ANKRD26: variants seen among roughly 807,000 people sequenced by gnomAD.
ANKRD26 encodes ankyrin repeat domain 26.
ANKRD26 carries 141 observed loss-of-function variants against 208.7 expected under a neutral mutation model. That is an observed-to-expected ratio of 0.68 (90% CI 0.59 to 0.78). The LOEUF (loss-of-function observed/expected upper bound fraction) is 0.78. Among genes scored for constraint, ANKRD26 ranks in the 30% least tolerant of loss-of-function variants. The pLI is 0.00. For synonymous variants in ANKRD26, 636 were observed against 660.4 expected (o/e 0.96, Z 0.57); for missense variants, 1,889 against 1,938.7 (o/e 0.97, Z 0.48).
At chr10:27,071,827 C>T (rs1217954902) in intron 9 of ANKRD26, among the ~76,000 whole-genome samples, 1 of 152,138 alleles carries the variant, frequency 6.6e-6, no homozygotes, top group African/African-American at 2.4e-5. Flanking sequence ...ACTCCCCCCG[C>T]GCTGGAGCTG....
chr10:26,972,234 CAAAAAAAA>C (rs749010461), downstream of ANKRD26, among the ~76,000 whole-genome samples: 37 of 61,032 alleles, frequency 6.1e-4, no homozygotes, highest in Non-Finnish European at 9.1e-4. Flanking sequence ...GACTCCGTCT[CAAAAAAAA>C]AAAAAAAAAG....
At position 26,981,381 on chromosome 10, in the gene ANKRD26, C is replaced by G. The variant is rs1410317012; in HGVS notation, c.*18-542G>C. Among the ~76,000 whole-genome samples the G allele has an allele frequency of 2.6e-5, 4 of 152,264 alleles. No homozygotes were observed. In the South Asian group the frequency reaches 8.3e-4, roughly 32 times the overall value. On this transcript the variant is annotated intron_variant and NMD_transcript_variant, in intron 4 of 5. Coordinates refer to the ANKRD26 transcript ENST00000674670. ...GTGCTGAAGAGGGCTGTGTGCAATA[C>G]TGATAACAGCAAGGTTGCAGTGAGC... is the stretch of plus-strand genomic sequence containing the variant.
chr10:27,086,434 A>G, intron 5 of ANKRD26, 105 bp downstream of exon 5: 1 of 1,454,194 alleles, frequency 6.9e-7, no homozygotes, highest in Non-Finnish European at 9.4e-7. Flanking sequence ...CATGCACCTT[A>G]TACACTGATT....
downstream of ANKRD26, among the ~76,000 whole-genome samples, chr10:26,999,192 T>C (rs1326675904): frequency 6.6e-6 from 1 of 152,202 alleles, no homozygotes; most frequent in African/African-American, 2.4e-5. Context: ...AATATGGGCA[T>C]CTCAGAAGAT....
intron 18 of ANKRD26, among the ~76,000 whole-genome samples, chr10:27,044,518 A>G: frequency 6.6e-6 from 1 of 151,622 alleles, no homozygotes; most frequent in East Asian, 1.9e-4. Flanking sequence ...GAAATATACC[A>G]GGTTTTTTTT....
At chr10:26,998,929 GAGGTCGGGATAAAGT>G in intron 4 of ANKRD26, among the ~76,000 whole-genome samples, 1 of 152,308 alleles carries the variant, frequency 6.6e-6, no homozygotes, top group South Asian at 2.1e-4. Flanking sequence ...GAAGTTCAAA[GAGGTCGGGATAAAGT>G]AGCGGTATAC....
At chr10:27,077,015 T>G (rs1038612096) in intron 9 of ANKRD26, 3 of 325,102 alleles carry the variant, frequency 9.2e-6, no homozygotes, top group South Asian at 6.7e-5. Flanking sequence ...AGTATCACCC[T>G]AATACCAAAG....
chr10:27,082,623 A>G (rs1244984508), intron 6 of ANKRD26, among the ~76,000 whole-genome samples, 180 bp downstream of exon 6: 1 of 152,218 alleles, frequency 6.6e-6, no homozygotes, highest in Admixed American at 6.5e-5. Flanking sequence ...TCATGGGCCA[A>G]TTAATCAACC....
At chr10:27,048,239 G>T (rs1589279810) in intron 17 of ANKRD26, among the ~76,000 whole-genome samples, 1 of 152,084 alleles carries the variant, frequency 6.6e-6, no homozygotes, top group African/African-American at 2.4e-5. Context: ...TAATTTGAGA[G>T]CCCAACATTT....
chr10:26,972,234 C>CAAA (rs749010461), downstream of ANKRD26, among the ~76,000 whole-genome samples: 1 of 61,046 alleles, frequency 1.6e-5, no homozygotes, highest in Admixed American at 1.9e-4. Context: ...GACTCCGTCT[C>CAAA]AAAAAAAAAA....
chr10:27,095,840 G>A (rs2056450752), intron 1 of ANKRD26, among the ~76,000 whole-genome samples: 1 of 152,036 alleles, frequency 6.6e-6, no homozygotes, highest in Non-Finnish European at 1.5e-5. Flanking sequence ...CAATTGCCTT[G>A]ACCTGAATGA....
rs1286138116 is a variant in ANKRD26 at position 27,017,550 on chromosome 10, T to C, written c.4458A>G (p.Ala1486=). Reference sequence around the variant, plus strand: ...TTAATTTTTCTGCTATTTCCTGTCTTGCTCTTTCTTCAATCTCCTGTTTAT... The same window carrying C: ...TTAATTTTTCTGCTATTTCCTGTCTCGCTCTTTCTTCAATCTCCTGTTTAT... ...KQYKQEIEER[A]RQEIAEKLKE... is the part of the protein sequence containing the mutation. The change falls in exon 30 of 34, where the codon GCA becomes GCG. Residue 1486 remains alanine, a synonymous_variant. Transcript: ENST00000376087. The C allele has an allele frequency of 6.2e-7, 1 of 1,613,748 alleles. No individual in the cohort carries two copies. The highest frequency in any genetic ancestry group is 2.2e-5 in the East Asian group (1 of 44,772).
At chr10:26,981,255 A>G (rs1219552887) in intron 4 of ANKRD26, among the ~76,000 whole-genome samples, 1 of 152,210 alleles carries the variant, frequency 6.6e-6, no homozygotes, top group Non-Finnish European at 1.5e-5. Flanking sequence ...CAAAGTAGGG[A>G]AATGTGTTTC....
In ANKRD26 at chr10:27,100,377, A is replaced by T. The variant is rs762195334; in HGVS notation, c.-51T>A. The T allele has an allele frequency of 2.7e-5, 43 of 1,599,428 alleles. No individual in the cohort carries two copies. Among genetic ancestry groups the T allele is most frequent in the Non-Finnish European group, 3.5e-5 (41 of 1,179,338 alleles). ...CACCTCATGTCTCTCTCGGCTCTTA[A>T]CGGCCTCCGGAGCCCAACATAACAA... On this transcript the variant is annotated 5_prime_UTR_variant, in exon 1 of 34. Transcript: ENST00000376087.
At chr10:27,000,487 T>G (rs1037966694), downstream of ANKRD26, among the ~76,000 whole-genome samples, 1 of 152,182 alleles carries the variant, frequency 6.6e-6, no homozygotes, top group South Asian at 2.1e-4. Context: ...CAGATATTTT[T>G]TGTGTGTATA....
downstream of ANKRD26, among the ~76,000 whole-genome samples, chr10:26,988,430 G>A (rs934070508): frequency 6.6e-6 from 1 of 152,102 alleles, no homozygotes; most frequent in Admixed American, 6.6e-5. Flanking sequence ...CTGACCCAAA[G>A]AGAATGCCAT....
Position 27,099,975 on chromosome 10 carries a change from C to A in ANKRD26, c.242+110G>T. 1.9e-6 allele frequency: 3 copies of A among 1,565,284 alleles called. No homozygotes were observed. In the Admixed American group the frequency reaches 5.1e-5, roughly 27 times the overall value. ...CAAGGTGTCACCGTCCCAGGGGCTACGGAGCCCGCGGGAGGCTGATCCAGG... is the reference window on the plus strand; with the variant it reads ...CAAGGTGTCACCGTCCCAGGGGCTAAGGAGCCCGCGGGAGGCTGATCCAGG... On this transcript the variant is annotated intron_variant, in intron 1 of 33. Transcript: ENST00000376087.
Position 27,052,101 on chromosome 10 carries a change from G to A in ANKRD26, c.1635+1219C>T, listed in dbSNP as rs2054683063. The A allele has an allele frequency of 3.0e-6, 3 of 985,198 alleles. No homozygotes were observed. In the African/African-American group the frequency reaches 5.2e-5, roughly 17 times the overall value. The allele number at this position is 985,198 out of a possible 1,614,324, so 61.0% of individuals were successfully genotyped here. On this transcript the variant is annotated intron_variant, in intron 16 of 33. Coordinates refer to ENST00000376087, the MANE Select transcript of ANKRD26 (RefSeq NM_014915.3). ...ATTAATTTGCTTGTTTTGTTTTTCA[G>A]ATGTCTTTTCTGTCAGGGTGCATGT... is the stretch of plus-strand genomic sequence containing the variant.
Position 27,100,441 on chromosome 10 carries a change from C to A in ANKRD26, c.-115G>T, listed in dbSNP as rs1040507405. On this transcript the variant is annotated 5_prime_UTR_variant, in exon 1 of 34. Transcript: ENST00000376087. The stretch of plus-strand genomic sequence containing the variant: ...GGCCGCAGCCTCCCAAAGGAAACTC[C>A]GCGGTTTCCAATCTCTCCCTCCGGG... 6.1e-6 allele frequency: 9 copies of A among 1,476,480 alleles called. No homozygotes were observed. Among genetic ancestry groups the A allele is most frequent in the Non-Finnish European group, 8.1e-6 (9 of 1,106,000 alleles). The allele number at this position is 1,476,480 out of a possible 1,614,324, so 91.5% of individuals were successfully genotyped here. A position where few individuals can be genotyped will look rare whatever the true frequency, so the allele number is the denominator to read the frequency against.
Sources: allele counts gnomAD v4.1 joint callset (sites outside exome capture counted in the v4.1 genomes callset), GRCh38; gene constraint gnomAD v4.1.1; transcripts MANE v1.5; gene names NCBI Gene and HGNC (gene_info 2026-07-23, HGNC 2026-07-21).